Variants in NFASC observed in about 807,000 individuals in gnomAD.
NFASC encodes neurofascin.
Under a neutral mutation model 147.5 loss-of-function variants are expected in NFASC, and 43 were observed. That is an observed-to-expected ratio of 0.29 (90% CI 0.23 to 0.38). NFASC has a LOEUF of 0.38. NFASC is among the 10% of genes least tolerant of loss of function. The probability of loss-of-function intolerance (pLI) is 1.00; values close to 1 mark genes in which losing one functional copy is unlikely to be tolerated. For missense variants in NFASC, 1,320 were observed against 1,689.0 expected, an observed-to-expected ratio of 0.78 and a Z score of 3.83; for synonymous variants, 622 against 665.5, an observed-to-expected ratio of 0.93 and a Z score of 1.01.
At chr1:205,002,571 G>A (rs759359509) in intron 26 of NFASC, 25 bp from the exon 27 acceptor site, 2 of 1,451,900 alleles carry the variant, frequency 1.4e-6, no homozygotes, top group Non-Finnish European at 9.3e-7. Flanking sequence ...CTGGCTCTAG[G>A]CTGATTGAGG....
At chr1:204,992,524 C>A (rs528919762) in intron 24 of NFASC, among the ~76,000 whole-genome samples, 1 of 152,224 alleles carries the variant, frequency 6.6e-6, no homozygotes, top group African/African-American at 2.4e-5. Flanking sequence ...TCACCCACCA[C>A]CCCAGTGCCT....
In NFASC at chr1:204,970,882, C is replaced by G. The variant is rs1041157172; in HGVS notation, c.1135+135C>G. The G allele has an allele frequency of 2.8e-6, 3 of 1,072,924 alleles. No homozygotes were observed. The African/African-American group carries it at 4.8e-5, about 17-fold the overall frequency. The allele number at this position is 1,072,924 out of a possible 1,614,324, so 66.5% of individuals were successfully genotyped here. On this transcript the variant is annotated intron_variant, in intron 11 of 29. Transcript: ENST00000339876. ...AAGCCCACTGGTGGCTGTTTCTCAG[C>G]TGCCCATCTCTTCAGACATCTCAAG...
intron 1 of NFASC, among the ~76,000 whole-genome samples, chr1:204,875,794 C>T (rs1223660090): frequency 6.6e-6 from 1 of 152,134 alleles, no homozygotes; most frequent in Admixed American, 6.5e-5. Flanking sequence ...TGTTCCTCCC[C>T]ACTCCCACAA....
intron 2 of NFASC, among the ~76,000 whole-genome samples, chr1:204,923,691 G>T (rs914613348): frequency 6.6e-6 from 1 of 152,054 alleles, no homozygotes; most frequent in Non-Finnish European, 1.5e-5. Flanking sequence ...TTCCCCACCT[G>T]CTGCCCCCAA....
chr1:204,978,740 A>G (rs1033503118), intron 17 of NFASC, among the ~76,000 whole-genome samples: 7 of 150,324 alleles, frequency 4.7e-5, no homozygotes, highest in African/African-American at 1.7e-4. Context: ...TTCCACACCC[A>G]TTGATATTCT....
Position 205,002,449 on chromosome 1 carries a change from C to T in NFASC, c.3137-147C>T, listed in dbSNP as rs971694920. The T allele has an allele frequency of 6.0e-5, 31 of 519,138 alleles. 1 individual carries two copies. The highest frequency in any genetic ancestry group is 1.2e-4 in the South Asian group (2 of 16,882). The allele number at this position is 519,138 out of a possible 1,614,324, so 32.2% of individuals were successfully genotyped here. On this transcript the variant is annotated intron_variant, in intron 26 of 29. Transcript: ENST00000339876. The stretch of plus-strand genomic sequence containing the variant: ...CAGGCATAGGGAAGCTGCCTGGAAA[C>T]CTCCTGGTCTGTATGGTGGACTGGA...
chr1:204,960,643 G>A (rs753353533), intron 8 of NFASC, among the ~76,000 whole-genome samples: 4 of 152,224 alleles, frequency 2.6e-5, no homozygotes, highest in African/African-American at 4.8e-5. Context: ...TGATATGGGA[G>A]CATGAAGGAA....
intron 27 of NFASC, 74 bp from the exon 28 acceptor site, chr1:205,009,482 TC>T: frequency 6.7e-7 from 1 of 1,500,394 alleles, no homozygotes; most frequent in Non-Finnish European, 9.3e-7. Context: ...TAGCTGAAGT[TC>T]TTCCCTCCAT....
chr1:204,930,712 G>C (rs950483644), intron 2 of NFASC, among the ~76,000 whole-genome samples: 1 of 152,374 alleles, frequency 6.6e-6, no homozygotes, highest in Non-Finnish European at 1.5e-5. Context: ...CAACCCTGTT[G>C]TGGAGGGGTG....
chr1:204,862,701 T>A (rs2076772295), intron 1 of NFASC, among the ~76,000 whole-genome samples: 1 of 152,192 alleles, frequency 6.6e-6, no homozygotes, highest in Non-Finnish European at 1.5e-5. Context: ...TCATAAGGGT[T>A]AGGAGGTCAC....
In NFASC at chr1:205,018,793, A is replaced by G. The variant is rs1156318632; in HGVS notation, c.*2254A>G. 1.3e-5 allele frequency: 2 copies of G among 152,418 alleles called. No homozygotes were observed. Among genetic ancestry groups the G allele is most frequent in the East Asian group, 1.9e-4 (1 of 5,190 alleles). The allele number at this position is 152,418 out of a possible 1,614,324, so 9.4% of individuals were successfully genotyped here. On this transcript the variant is annotated 3_prime_UTR_variant, in exon 30 of 30. Coordinates refer to ENST00000339876, the MANE Select transcript of NFASC (RefSeq NM_001005388.3). The stretch of plus-strand genomic sequence containing the variant: ...ACACTCATTCCATACTGCACCGTAC[A>G]TGCCAGCGTACCCATTGCACCGAAA...
chr1:204,855,052 C>T (rs1285644404), intron 1 of NFASC, among the ~76,000 whole-genome samples: 1 of 152,230 alleles, frequency 6.6e-6, no homozygotes, highest in Non-Finnish European at 1.5e-5. Flanking sequence ...CTTGGGAGCC[C>T]TCACAAGGAC....
At chr1:204,852,573 G>A (rs1443693884) in intron 1 of NFASC, among the ~76,000 whole-genome samples, 3 of 152,364 alleles carry the variant, frequency 2.0e-5, no homozygotes, top group African/African-American at 7.2e-5. Context: ...CTTAGGATGT[G>A]TTTAAGCAGA....
intron 21 of NFASC, among the ~76,000 whole-genome samples, chr1:204,985,082 T>A (rs12068915): frequency 0.017 from 2,518 of 152,294 alleles, 75 homozygotes; most frequent in African/African-American, 0.057. Context: ...CCTACTTGCT[T>A]AGAGATTTTT....
At position 204,979,429 on chromosome 1, in the gene NFASC, C is replaced by T. The variant is rs768250957; in HGVS notation, c.2046C>T (p.Pro682=). The T allele has an allele frequency of 1.1e-5, 18 of 1,613,942 alleles. No homozygotes were observed. Among genetic ancestry groups the T allele is most frequent in the East Asian group, 4.5e-5 (2 of 44,902 alleles). The part of the protein sequence containing the change: ...PGVWHDHSKY[P]GSVNSAVLRL... ...TCTGGCATGACCATTCCAAGTACCC[C>T]GGCAGCGTTAACTCAGCCGTCCTCC... Residue 682 remains proline (P), a synonymous_variant, in exon 19 of 30, where the codon CCC becomes CCT. Transcript: ENST00000339876. The surrounding 1 kb of genome is among the most constrained non-coding windows in gnomAD (Gnocchi z 6.0).
intron 8 of NFASC, among the ~76,000 whole-genome samples, chr1:204,960,516 G>A (rs2094610863): frequency 6.6e-6 from 1 of 152,198 alleles, no homozygotes; most frequent in South Asian, 2.1e-4. Flanking sequence ...GACATTCTTG[G>A]AGCAGTCAAA....
In NFASC at chr1:204,950,427, G is replaced by A. The variant is rs1038289931; in HGVS notation, c.92-130G>A. The A allele has an allele frequency of 6.1e-6, 5 of 824,178 alleles. No homozygotes were observed. The African/African-American group carries it at 6.7e-5, about 11-fold the overall frequency. 51.1% of individuals were successfully genotyped at this position (824,178 alleles called of 1,614,324 possible). A position where few individuals can be genotyped will look rare whatever the true frequency, so the allele number is the denominator to read the frequency against. On this transcript the variant is annotated intron_variant, in intron 3 of 29. Transcript: ENST00000339876. ...TGCAGCCAGGAGGAGAGAGCCCTGT[G>A]CTCAGCGCCCTCCCCAGGCACACCC...
intron 1 of NFASC, among the ~76,000 whole-genome samples, chr1:204,859,473 T>A (rs2076479631): frequency 6.6e-6 from 1 of 152,228 alleles, no homozygotes; most frequent in African/African-American, 2.4e-5. Flanking sequence ...TACCTCACTA[T>A]ACTGTAAGCT....
At chr1:205,002,237 A>T (rs989478204) in intron 26 of NFASC, among the ~76,000 whole-genome samples, 7 of 152,242 alleles carry the variant, frequency 4.6e-5, no homozygotes, top group African/African-American at 1.7e-4. Context: ...TTTGGCCCTC[A>T]CCAGCCAGAT....
Sources: allele counts gnomAD v4.1 joint callset (sites outside exome capture counted in the v4.1 genomes callset), GRCh38; gene constraint gnomAD v4.1.1; non-coding constraint Gnocchi (gnomAD v3.1); transcripts MANE v1.5; gene names NCBI Gene and HGNC (gene_info 2026-07-23, HGNC 2026-07-21).